Variants in KCNMA1 observed in about 807,000 individuals in gnomAD.
KCNMA1 encodes Calcium-activated potassium channel subunit alpha-1.
In KCNMA1, 29 loss-of-function variants were observed where a neutral mutation model predicts 140.0. That is an observed-to-expected ratio of 0.21 (90% CI 0.15 to 0.28). The LOEUF (loss-of-function observed/expected upper bound fraction) is 0.28, where lower values mean the gene tolerates loss of function less well. KCNMA1 is among the 10% of genes least tolerant of loss of function. The pLI is 1.00. For missense variants in KCNMA1, 880 were observed against 1,602.2 expected, an observed-to-expected ratio of 0.55 and a Z score of 7.70; for synonymous variants, 612 against 611.9, an observed-to-expected ratio of 1.00 and a Z score of 0.00.
At chr10:77,409,105 T>C (rs1480027543) in intron 1 of KCNMA1, among the ~76,000 whole-genome samples, 2 of 152,156 alleles carry the variant, frequency 1.3e-5, no homozygotes, top group Non-Finnish European at 2.9e-5. Context: ...TTCCCTTTAG[T>C]GGTGTTCCCC....
intron 16 of KCNMA1, chr10:77,020,537 C>T (rs1037238334): frequency 6.6e-6 from 1 of 152,176 alleles, no homozygotes; most frequent in Non-Finnish European, 1.5e-5. Context: ...TGAGATTCCT[C>T]CCAAATCAGA....
At chr10:77,035,495 C>G (rs2153562657) in intron 15 of KCNMA1, among the ~76,000 whole-genome samples, 1 of 152,058 alleles carries the variant, frequency 6.6e-6, no homozygotes, top group South Asian at 2.1e-4. Flanking sequence ...CCTAGGGAAA[C>G]TGAATATTTT....
chr10:76,908,141 C>A (rs925553512), intron 25 of KCNMA1, among the ~76,000 whole-genome samples: 3 of 152,136 alleles, frequency 2.0e-5, no homozygotes, highest in Non-Finnish European at 2.9e-5. Flanking sequence ...TTACCAAAAT[C>A]CATTTGAAAC....
At chr10:76,992,856 G>A (rs926515696) in intron 19 of KCNMA1, among the ~76,000 whole-genome samples, 4 of 152,220 alleles carry the variant, frequency 2.6e-5, no homozygotes, top group African/African-American at 9.6e-5. Context: ...TACTTCACAG[G>A]AAATGTGTTT....
At chr10:76,954,440 A>G (rs2067423555) in intron 20 of KCNMA1, among the ~76,000 whole-genome samples, 1 of 152,208 alleles carries the variant, frequency 6.6e-6, no homozygotes, top group Non-Finnish European at 1.5e-5. Flanking sequence ...TTCTGACGTG[A>G]TGCTCTTCGC....
intron 1 of KCNMA1, among the ~76,000 whole-genome samples, chr10:77,592,800 A>C (rs1439991769): frequency 1.3e-5 from 2 of 152,194 alleles, no homozygotes; most frequent in African/African-American, 4.8e-5. Context: ...GAGGACCCTC[A>C]GTCTTCTCTT....
intron 3 of KCNMA1, among the ~76,000 whole-genome samples, chr10:77,194,847 A>AT (rs1491211930): frequency 6.6e-6 from 1 of 152,022 alleles, no homozygotes; most frequent in African/African-American, 2.4e-5. Context: ...GGAAAAAAAA[A>AT]TAATTATGTT....
At chr10:77,465,642 T>G (rs2097981854) in intron 1 of KCNMA1, among the ~76,000 whole-genome samples, 2 of 152,210 alleles carry the variant, frequency 1.3e-5, no homozygotes, top group South Asian at 4.1e-4. Context: ...CAAAGCACCC[T>G]ATCGGCACCT....
chr10:77,017,632 T>C (rs1034716384), intron 17 of KCNMA1, among the ~76,000 whole-genome samples: 2 of 152,192 alleles, frequency 1.3e-5, no homozygotes, highest in African/African-American at 2.4e-5. Context: ...GTAGCCAGTA[T>C]GGCTTAGTTT....
chr10:77,611,855 G>T (rs568560689), intron 1 of KCNMA1, among the ~76,000 whole-genome samples: 2 of 152,162 alleles, frequency 1.3e-5, no homozygotes, highest in African/African-American at 4.8e-5. Flanking sequence ...GACTAGGTAC[G>T]CAGGGGACAG....
At chr10:76,914,882 T>C (rs2052098379) in intron 24 of KCNMA1, 54 bp downstream of exon 24, 5 of 1,259,596 alleles carry the variant, frequency 4.0e-6, no homozygotes, top group Non-Finnish European at 5.8e-6. Flanking sequence ...TCATATCCTG[T>C]ATGGTTTGAA....
chr10:76,927,733 G>A (rs757630306), intron 23 of KCNMA1, among the ~76,000 whole-genome samples: 5 of 152,062 alleles, frequency 3.3e-5, no homozygotes, highest in African/African-American at 1.2e-4. Flanking sequence ...ACACCACTTC[G>A]CGAAATCCTT....
intron 2 of KCNMA1, among the ~76,000 whole-genome samples, chr10:77,362,629 A>G (rs2094066746): frequency 6.6e-6 from 1 of 152,012 alleles, no homozygotes; most frequent in Admixed American, 6.6e-5. Context: ...GCCCTGCCTG[A>G]CGTCCTGCCT....
chr10:77,488,064 T>C (rs930510626), intron 1 of KCNMA1, among the ~76,000 whole-genome samples: 12 of 152,284 alleles, frequency 7.9e-5, no homozygotes, highest in South Asian at 2.1e-4. Context: ...TATATGCCTA[T>C]TAATAAGCAC....
chr10:77,286,167 C>T (rs1324415450), intron 2 of KCNMA1, among the ~76,000 whole-genome samples: 1 of 151,962 alleles, frequency 6.6e-6, no homozygotes, highest in Non-Finnish European at 1.5e-5. Context: ...TTAAATTGAA[C>T]TTTATTTCAC....
chr10:77,051,470 T>A (rs931792311), intron 14 of KCNMA1, among the ~76,000 whole-genome samples: 1 of 152,104 alleles, frequency 6.6e-6, no homozygotes, highest in Non-Finnish European at 1.5e-5. Context: ...ATCTGGACAA[T>A]CTCTTGTCAG....
At chr10:77,611,970 T>C (rs973782163) in intron 1 of KCNMA1, among the ~76,000 whole-genome samples, 12 of 152,204 alleles carry the variant, frequency 7.9e-5, no homozygotes, top group Non-Finnish European at 1.5e-5. Flanking sequence ...AGTATATATT[T>C]GACTAGTGAC....
At chr10:77,161,952 A>G (rs1488246561) in intron 5 of KCNMA1, among the ~76,000 whole-genome samples, 2 of 152,254 alleles carry the variant, frequency 1.3e-5, no homozygotes, top group African/African-American at 2.4e-5. Flanking sequence ...GCAGAGTGCT[A>G]TGATCCATAT....
chr10:77,396,526 G>A lies in KCNMA1; in HGVS notation c.540+7336C>T, dbSNP rs144780690. Among the ~76,000 whole-genome samples the A allele has an allele frequency of 1.3e-3, 203 of 152,274 alleles. 1 individual carries two copies. Among genetic ancestry groups the A allele is most frequent in the Non-Finnish European group, 2.1e-3 (143 of 68,012 alleles). ...GGGTTCAACCAGTCTAATTTCATGC[G>A]CAAACAGCACATCAGTGAATGTACA... On this transcript the variant is annotated intron_variant, in intron 2 of 27. Coordinates refer to ENST00000286628, the MANE Select transcript of KCNMA1 (RefSeq NM_001161352.2).
Sources: allele counts gnomAD v4.1 joint callset (sites outside exome capture counted in the v4.1 genomes callset), GRCh38; gene constraint gnomAD v4.1.1; transcripts MANE v1.5; gene names NCBI Gene and HGNC (gene_info 2026-07-23, HGNC 2026-07-21).